Variants in DNAH5 observed in about 807,000 individuals in gnomAD.
The protein encoded by DNAH5 is dynein axonemal heavy chain 5.
In DNAH5, 372 loss-of-function variants were observed where a neutral mutation model predicts 518.2. The observed-to-expected ratio is 0.72, with a 90% CI of 0.66 to 0.78. The LOEUF (loss-of-function observed/expected upper bound fraction) is 0.78. Among genes scored for constraint, DNAH5 ranks in the 30% least tolerant of loss-of-function variants. The pLI is 0.00. For missense variants in DNAH5, 5,523 were observed against 5,687.0 expected (o/e 0.97, Z 0.93); for synonymous variants, 2,039 against 2,025.9 (o/e 1.01, Z -0.17).
At chr5:13,796,044 G>A (rs1757769948) in intron 47 of DNAH5, among the ~76,000 whole-genome samples, 4 of 152,106 alleles carry the variant, frequency 2.6e-5, no homozygotes, top group Admixed American at 2.6e-4. Context: ...TTGATGGAAC[G>A]TATCTCAAAA....
In DNAH5 at chr5:13,894,579, G is replaced by A. The variant is rs77050700; in HGVS notation, c.2431+71C>T. ...ATTATTTATATCTCCATATTGATAAGAAATTATTCAACAGATGTTAGGAAC... is the reference window on the plus strand; with the variant it reads ...ATTATTTATATCTCCATATTGATAAAAAATTATTCAACAGATGTTAGGAAC... On this transcript the variant is annotated intron_variant, in intron 16 of 78. Coordinates refer to ENST00000265104, the MANE Select transcript of DNAH5 (RefSeq NM_001369.3). 2,694 of 1,508,802 alleles carry A rather than the reference G, an allele frequency of 1.8e-3. 36 individuals are homozygous for A. The African/African-American group carries it at 0.033, about 19-fold the overall frequency. 93.5% of individuals were successfully genotyped at this position (1,508,802 alleles called of 1,614,324 possible). A position where few individuals can be genotyped will look rare whatever the true frequency, so the allele number is the denominator to read the frequency against.
In DNAH5 at chr5:13,714,447, A is replaced by G. The variant is rs1188424092; in HGVS notation, c.13083T>C (p.Asp4361=). Reference sequence around the variant, plus strand: ...CTGGGGGCAGCTTCTCCAGCATATCATCAGCCAGCCGGGCCACCACCGCCT... The same window carrying G: ...CTGGGGGCAGCTTCTCCAGCATATCGTCAGCCAGCCGGGCCACCACCGCCT... ...TREAVVARLA[D]DMLEKLPPDY... is the part of the protein sequence containing the mutation. Residue 4361 remains aspartate, a synonymous_variant, in exon 75 of 79, where the codon GAT becomes GAC. Transcript: ENST00000265104. The G allele has an allele frequency of 6.2e-7, 1 of 1,614,044 alleles. No homozygotes were observed. Among genetic ancestry groups the G allele is most frequent in the African/African-American group, 1.3e-5 (1 of 74,920 alleles).
chr5:13,952,118 C>G (rs1223939440), intron 1 of DNAH5, among the ~76,000 whole-genome samples: 1 of 80,102 alleles, frequency 1.2e-5, no homozygotes, highest in Non-Finnish European at 2.6e-5. Flanking sequence ...ATCACCCCAT[C>G]AGAAGCACAT....
rs7704926 is a variant in DNAH5, at chr5:13,862,860, A to G, written c.4597-113T>C. ...TTGCTTCATATATATATAAATATATATATAAACTTTTATATTTCCAGACCT... is the reference window on the plus strand; with the variant it reads ...TTGCTTCATATATATATAAATATATGTATAAACTTTTATATTTCCAGACCT... On this transcript the variant is annotated intron_variant, in intron 28 of 78. Transcript: ENST00000265104. 409 of 292,984 alleles carry G rather than the reference A, an allele frequency of 1.4e-3. 11 individuals are homozygous for G. The South Asian group carries it at 0.026, about 19-fold the overall frequency. The allele number at this position is 292,984 out of a possible 1,614,324, so 18.1% of individuals were successfully genotyped here.
intron 46 of DNAH5, among the ~76,000 whole-genome samples, chr5:13,808,246 A>AAG (rs1554057564): frequency 9.7e-5 from 14 of 143,760 alleles, no homozygotes; most frequent in Admixed American, 2.1e-4. Context: ...AAAAAAAAAA[A>AAG]AAGAGGAAAT....
At chr5:13,900,699 T>C (rs1350648690) in intron 14 of DNAH5, 1 of 455,290 alleles carries the variant, frequency 2.2e-6, no homozygotes. Context: ...AAAAGCCATT[T>C]AGCTACCTGA....
chr5:13,846,580 A>ACATTTCT, intron 31 of DNAH5, among the ~76,000 whole-genome samples: 1 of 152,268 alleles, frequency 6.6e-6, no homozygotes, highest in Middle Eastern at 3.4e-3. Context: ...ATTCCTCAAG[A>ACATTTCT]CAAAGGAGGG....
In DNAH5 at chr5:13,923,371, G is replaced by A; in HGVS notation, c.347C>T (p.Thr116Ile). Residue 116 changes from threonine to isoleucine, a missense_variant, in exon 4 of 79, where the codon ACC (threonine) becomes ATC (isoleucine). Transcript: ENST00000265104. ...GKIKKPKVFV[T>I]EGNDVALTGV... The stretch of plus-strand genomic sequence containing the variant: ...AGTAAGAGCCACATCGTTTCCCTCG[G>A]TCACGAACACCTTAGGTTTTTTAAT... The A allele has an allele frequency of 6.2e-7, 1 of 1,614,170 alleles. No homozygotes were observed. Among genetic ancestry groups the A allele is most frequent in the Non-Finnish European group, 8.5e-7 (1 of 1,180,006 alleles).
chr5:13,829,790 C>A, intron 37 of DNAH5, 86 bp from the exon 38 acceptor site: 1 of 1,369,766 alleles, frequency 7.3e-7, no homozygotes, highest in South Asian at 1.2e-5. Flanking sequence ...GTACACACAA[C>A]AAATCTGGAA....
intron 1 of DNAH5, among the ~76,000 whole-genome samples, chr5:13,988,572 C>T (rs893556902): frequency 8.2e-5 from 12 of 147,034 alleles, no homozygotes; most frequent in Non-Finnish European, 1.5e-4. Context: ...TGTGCACCAC[C>T]ATGCTTGGTT....
At chr5:13,776,007 T>C (rs1754036938) in intron 55 of DNAH5, among the ~76,000 whole-genome samples, 1 of 150,362 alleles carries the variant, frequency 6.7e-6, no homozygotes, top group African/African-American at 2.4e-5. Flanking sequence ...GTACGCTCTC[T>C]AACCTCTCCT....
At chr5:13,956,772 T>C (rs1208183431) in intron 1 of DNAH5, among the ~76,000 whole-genome samples, 1 of 152,236 alleles carries the variant, frequency 6.6e-6, no homozygotes, top group Non-Finnish European at 1.5e-5. Flanking sequence ...TATCATTTTA[T>C]TGAGTGATTA....
At chr5:13,841,160 T>G in intron 33 of DNAH5, 30 bp from the exon 34 acceptor site, 1 of 1,511,406 alleles carries the variant, frequency 6.6e-7, no homozygotes, top group Non-Finnish European at 9.2e-7. Flanking sequence ...CTTCATGAAT[T>G]TGTATGGCAT....
At chr5:13,963,554 G>A (rs1781332183) in intron 1 of DNAH5, among the ~76,000 whole-genome samples, 1 of 148,134 alleles carries the variant, frequency 6.8e-6, no homozygotes, top group African/African-American at 2.6e-5. Context: ...ACCCAGCCTG[G>A]GCAACAAAGC....
intron 19 of DNAH5, among the ~76,000 whole-genome samples, chr5:13,883,663 T>A (rs1173928994): frequency 6.6e-6 from 1 of 152,232 alleles, no homozygotes; most frequent in Non-Finnish European, 1.5e-5. Context: ...CAGACATGTA[T>A]GTATATGTGT....
chr5:13,884,935 T>C (rs1234563685), intron 19 of DNAH5, 54 bp downstream of exon 19: 5 of 1,606,766 alleles, frequency 3.1e-6, no homozygotes, highest in East Asian at 2.2e-5. Context: ...CACACACACA[T>C]ACCCCAGCAA....
At chr5:13,743,666 T>A (rs1561157374) in intron 65 of DNAH5, among the ~76,000 whole-genome samples, 2 of 151,842 alleles carry the variant, frequency 1.3e-5, no homozygotes, top group African/African-American at 4.8e-5. Context: ...AACAGACATG[T>A]CTCAAAAGAC....
chr5:13,995,766 C>T (rs914661462), intron 1 of DNAH5, among the ~76,000 whole-genome samples: 1 of 152,070 alleles, frequency 6.6e-6, no homozygotes, highest in South Asian at 2.1e-4. Context: ...CTTTTTGACC[C>T]TCTCTTTATT....
intron 78 of DNAH5, 89 bp downstream of exon 78, chr5:13,700,551 A>T: frequency 7.7e-7 from 1 of 1,291,726 alleles, no homozygotes; most frequent in Non-Finnish European, 1.1e-6. Flanking sequence ...AATCTCTACT[A>T]CATGATAACA....
Sources: allele counts gnomAD v4.1 joint callset (sites outside exome capture counted in the v4.1 genomes callset), GRCh38; gene constraint gnomAD v4.1.1; transcripts MANE v1.5; gene names NCBI Gene and HGNC (gene_info 2026-07-23, HGNC 2026-07-21).